The following MYO1B variants were observed in gnomAD, a reference collection of about 807,000 sequenced individuals.
MYO1B encodes the protein unconventional myosin-Ib.
In MYO1B, 72 loss-of-function variants were observed where a neutral mutation model predicts 159.7. The observed-to-expected ratio is 0.45, with a 90% CI of 0.37 to 0.55. MYO1B has a LOEUF of 0.55. MYO1B is among the 20% of genes least tolerant of loss of function. MYO1B has a pLI of 0.00. For missense variants in MYO1B, 1,062 were observed against 1,364.8 expected, an observed-to-expected ratio of 0.78 and a Z score of 3.50; for synonymous variants, 468 against 473.8, an observed-to-expected ratio of 0.99 and a Z score of 0.16.
intron 18 of MYO1B, 146 bp from the exon 19 acceptor site, chr2:191,391,962 C>G: frequency 1.9e-6 from 1 of 538,948 alleles, no homozygotes; most frequent in Non-Finnish European, 3.2e-6. Flanking sequence ...GTGGAAAATT[C>G]TTTGATAAAT....
chr2:191,365,393 C>G (rs776573696), intron 11 of MYO1B, among the ~76,000 whole-genome samples: 1 of 152,148 alleles, frequency 6.6e-6, no homozygotes, highest in Non-Finnish European at 1.5e-5. Context: ...GCCTTTATGT[C>G]TTTAGCTTTC....
chr2:191,303,327 G>A (rs1024973461), intron 3 of MYO1B, among the ~76,000 whole-genome samples: 3 of 152,120 alleles, frequency 2.0e-5, no homozygotes, highest in Admixed American at 6.5e-5. Context: ...GTGTGTGTGC[G>A]TGTGTGTGTT....
intron 13 of MYO1B, among the ~76,000 whole-genome samples, chr2:191,372,879 CTTTTTTT>C (rs34444520): frequency 7.1e-5 from 5 of 70,146 alleles, no homozygotes; most frequent in African/African-American, 1.2e-4. Context: ...GTTATATTTC[CTTTTTTT>C]TTTTTTTTTT....
At chr2:191,288,082 T>C (rs943902025) in intron 2 of MYO1B, among the ~76,000 whole-genome samples, 3 of 152,150 alleles carry the variant, frequency 2.0e-5, no homozygotes, top group African/African-American at 7.2e-5. Flanking sequence ...TGTACGTATC[T>C]ACATTTTATT....
chr2:191,297,536 C>G (rs1004348441), intron 3 of MYO1B, among the ~76,000 whole-genome samples: 22 of 152,190 alleles, frequency 1.4e-4, no homozygotes, highest in Non-Finnish European at 2.5e-4. Context: ...ATCATCCTCT[C>G]TCTCTCAAAA....
At chr2:191,267,097 C>T (rs13011608) in intron 1 of MYO1B, among the ~76,000 whole-genome samples, 57,800 of 151,710 alleles carry the variant, frequency 0.38, 11,201 homozygotes, top group Middle Eastern at 0.54. Flanking sequence ...TCCCTCTCTG[C>T]CTATGCAGAG....
intron 7 of MYO1B, among the ~76,000 whole-genome samples, chr2:191,359,315 T>TTTTG (rs1693510178): frequency 6.6e-6 from 1 of 151,146 alleles, no homozygotes; most frequent in Non-Finnish European, 1.5e-5. Flanking sequence ...CTTTGGGGTT[T>TTTTG]TTTTTTTTTT....
chr2:191,402,096 T>A (rs1351744785), intron 23 of MYO1B: 1 of 152,330 alleles, frequency 6.6e-6, no homozygotes. Flanking sequence ...TTTTTGAGTT[T>A]TGTTAGTTTT....
chr2:191,405,018 G>A (rs1696829970), intron 24 of MYO1B, among the ~76,000 whole-genome samples: 1 of 152,188 alleles, frequency 6.6e-6, no homozygotes, highest in Non-Finnish European at 1.5e-5. Context: ...GCATTTGATA[G>A]CATTTTACCC....
chr2:191,395,662 T>G (rs923962653), intron 20 of MYO1B, among the ~76,000 whole-genome samples: 2 of 152,242 alleles, frequency 1.3e-5, no homozygotes, highest in South Asian at 4.1e-4. Context: ...AAGAAAGGCC[T>G]CTGGGCATTG....
chr2:191,257,004 G>T (rs990786523), intron 1 of MYO1B, among the ~76,000 whole-genome samples: 1 of 151,538 alleles, frequency 6.6e-6, no homozygotes. Context: ...TCCCTTAGTG[G>T]TCCTCTTGCC....
rs377677303 is a variant in MYO1B, at chr2:191,383,385, A to G, written c.1353+43A>G. 5 of 1,303,410 alleles carry G rather than the reference A, an allele frequency of 3.8e-6. No individual in the cohort carries two copies. In the African/African-American group the frequency reaches 6.1e-5, roughly 16 times the overall value. The allele number at this position is 1,303,410 out of a possible 1,614,324, so 80.7% of individuals were successfully genotyped here. A position where few individuals can be genotyped will look rare whatever the true frequency, so the allele number is the denominator to read the frequency against. On this transcript the variant is annotated intron_variant, in intron 15 of 30. Transcript: ENST00000392318. ...GTTTTCTAAAGAATGTTTTAGTCCT[A>G]TAATTCACCCTTATAAATGTTCTCA...
rs1036755609 is a variant in MYO1B, at chr2:191,419,654, TATTA to T, written c.3287+3413_3287+3416del. Among the ~76,000 whole-genome samples, 34 of 152,308 alleles carry T rather than the reference TATTA, an allele frequency of 2.2e-4. No homozygotes were observed. The East Asian group carries it at 6.2e-3, about 28-fold the overall frequency. On this transcript the variant is annotated intron_variant, in intron 30 of 30. Transcript: ENST00000392318. Reference sequence around the variant, plus strand: ...TCTTAGGAGAAGACAGCCCCATGTGTATTATTACCCCTGAAGACTTTCCAGTGGG... The same window carrying T: ...TCTTAGGAGAAGACAGCCCCATGTGTTTACCCCTGAAGACTTTCCAGTGGG...
At chr2:191,416,508 A>T (rs951674614) in intron 30 of MYO1B, 3 of 406,104 alleles carry the variant, frequency 7.4e-6, no homozygotes, top group Non-Finnish European at 1.3e-5. Context: ...TATGGAGGAA[A>T]AAAAGGGTTA....
At chr2:191,245,854 G>C (rs932274995) in intron 1 of MYO1B, 8 of 152,210 alleles carry the variant, frequency 5.3e-5, no homozygotes, top group African/African-American at 1.9e-4. Flanking sequence ...TGGCTTCGGG[G>C]GTGGCGGGAG....
chr2:191,388,867 T>G (rs1426537426), intron 17 of MYO1B, among the ~76,000 whole-genome samples: 7 of 152,122 alleles, frequency 4.6e-5, no homozygotes, highest in South Asian at 2.1e-4. Flanking sequence ...CCAGAAAGCT[T>G]CTTCATTCCC....
intron 4 of MYO1B, among the ~76,000 whole-genome samples, chr2:191,333,278 G>C (rs1691609242): frequency 6.6e-6 from 1 of 151,982 alleles, no homozygotes; most frequent in African/African-American, 2.4e-5. Flanking sequence ...TGTATTTACT[G>C]CCTGTCTGAC....
chr2:191,356,723 A>C (rs1693317553), intron 7 of MYO1B, among the ~76,000 whole-genome samples: 1 of 152,332 alleles, frequency 6.6e-6, no homozygotes, highest in Middle Eastern at 3.4e-3. Flanking sequence ...ATATTTCATT[A>C]ATTTTATTTC....
intron 30 of MYO1B, 136 bp downstream of exon 30, chr2:191,416,378 T>C: frequency 9.5e-7 from 1 of 1,053,076 alleles, no homozygotes; most frequent in Non-Finnish European, 1.4e-6. Flanking sequence ...ACATGATAAA[T>C]GGGCAGTGAA....
Sources: allele counts gnomAD v4.1 joint callset (sites outside exome capture counted in the v4.1 genomes callset), GRCh38; gene constraint gnomAD v4.1.1; transcripts MANE v1.5; gene names NCBI Gene and HGNC (gene_info 2026-07-23, HGNC 2026-07-21).